ATAD2B: variants seen among roughly 807,000 people sequenced by gnomAD.
ATAD2B encodes ATPase family AAA domain containing 2B, also known as ATPase family AAA domain-containing protein 2B.
Under a neutral mutation model 167.6 loss-of-function variants are expected in ATAD2B, and 40 were observed. The observed-to-expected ratio is 0.24, with a 90% CI of 0.19 to 0.31. The LOEUF (loss-of-function observed/expected upper bound fraction) is 0.31, where lower values mean the gene tolerates loss of function less well. Among genes scored for constraint, ATAD2B ranks in the 10% least tolerant of loss-of-function variants. The pLI, the probability that ATAD2B is intolerant of heterozygous loss-of-function variation, is 1.00. For missense variants in ATAD2B, 1,242 were observed against 1,757.2 expected, an observed-to-expected ratio of 0.71 and a Z score of 5.24; for synonymous variants, 579 against 596.5, an observed-to-expected ratio of 0.97 and a Z score of 0.43.
At chr2:23,835,863 G>T (rs1025220780) in intron 13 of ATAD2B, among the ~76,000 whole-genome samples, 1 of 152,018 alleles carries the variant, frequency 6.6e-6, no homozygotes, top group Non-Finnish European at 1.5e-5. Flanking sequence ...TTGAATCCAG[G>T]AGGTGGAGGT....
chr2:23,738,857 C>T, the ATAD2B span, among the ~76,000 whole-genome samples: 37 of 152,216 alleles, frequency 2.4e-4, no homozygotes, highest in Non-Finnish European at 4.6e-4. Context: ...GGAGGAAGAT[C>T]TACCAAGCAA....
At chr2:23,707,019 T>C in the ATAD2B span, 1 of 175,662 alleles carries the variant, frequency 5.7e-6, no homozygotes, top group Non-Finnish European at 1.2e-5. Flanking sequence ...TAAACAACCA[T>C]AGATCAGTTA....
intron 12 of ATAD2B, among the ~76,000 whole-genome samples, chr2:23,860,604 G>C (rs1224086666): frequency 6.6e-6 from 1 of 152,204 alleles, no homozygotes; most frequent in Admixed American, 6.5e-5. Context: ...GTTTACTAAG[G>C]AAGAGAGATG....
intron 14 of ATAD2B, among the ~76,000 whole-genome samples, chr2:23,830,859 TA>T (rs564818379): frequency 6.0e-5 from 9 of 149,038 alleles, no homozygotes; most frequent in African/African-American, 7.4e-5. Context: ...AAAGAACATG[TA>T]AAAAAAAAAT....
At chr2:23,825,609 T>A (rs891048900) in intron 15 of ATAD2B, among the ~76,000 whole-genome samples, 1 of 152,226 alleles carries the variant, frequency 6.6e-6, no homozygotes, top group African/African-American at 2.4e-5. Context: ...AAGTATATGA[T>A]TATAGAATGT....
At chr2:23,679,759 C>G in the ATAD2B span, among the ~76,000 whole-genome samples, 1 of 152,162 alleles carries the variant, frequency 6.6e-6, no homozygotes, top group Non-Finnish European at 1.5e-5. Context: ...GTTCTGCCAG[C>G]CTCCGGAGGA....
At chr2:23,865,631 G>A (rs988796964) in intron 10 of ATAD2B, among the ~76,000 whole-genome samples, 17 of 152,028 alleles carry the variant, frequency 1.1e-4, no homozygotes, top group Admixed American at 9.8e-4. Flanking sequence ...GCAAAAATTG[G>A]TTCAAGGGTA....
intron 18 of ATAD2B, among the ~76,000 whole-genome samples, chr2:23,804,641 C>G (rs955644256): frequency 1.4e-5 from 2 of 146,272 alleles, no homozygotes; most frequent in African/African-American, 5.1e-5. Context: ...GTTGGCCAAG[C>G]AGGATTCAGA....
chr2:23,870,475 G>C (rs1448914305), intron 8 of ATAD2B, among the ~76,000 whole-genome samples: 2 of 151,206 alleles, frequency 1.3e-5, no homozygotes, highest in African/African-American at 4.9e-5. Flanking sequence ...TTGTAAAGAG[G>C]GAGTTTCACC....
chr2:23,829,130 G>A (rs1209640701), intron 14 of ATAD2B, among the ~76,000 whole-genome samples, 191 bp from the exon 15 acceptor site: 1 of 141,228 alleles, frequency 7.1e-6, no homozygotes, highest in Non-Finnish European at 1.5e-5. Flanking sequence ...ATAAATCTGG[G>A]AGATATGTAG....
At chr2:23,760,697 T>C (rs13404117) in intron 24 of ATAD2B, among the ~76,000 whole-genome samples, 4,692 of 117,926 alleles carry the variant, frequency 0.04, 175 homozygotes, top group East Asian at 0.16. Context: ...AATTTATATA[T>C]ATACACACAC....
intron 25 of ATAD2B, among the ~76,000 whole-genome samples, chr2:23,755,945 T>C (rs1228131964): frequency 1.3e-5 from 2 of 152,178 alleles, no homozygotes; most frequent in Non-Finnish European, 2.9e-5. Flanking sequence ...ATTAGGATAC[T>C]GTCCTGATAA....
chr2:23,771,038 C>T (rs1558508107), intron 22 of ATAD2B, among the ~76,000 whole-genome samples: 1 of 152,058 alleles, frequency 6.6e-6, no homozygotes, highest in East Asian at 1.9e-4. Context: ...ATGTATAAGT[C>T]TTACATGCCT....
intron 1 of ATAD2B, among the ~76,000 whole-genome samples, chr2:23,902,865 A>G (rs796511500): frequency 5.9e-5 from 9 of 152,248 alleles, no homozygotes; most frequent in African/African-American, 2.2e-4. Flanking sequence ...AGGAGTTTGA[A>G]ACCAGTCTGA....
chr2:23,795,610 G>A (rs13009582), intron 19 of ATAD2B, among the ~76,000 whole-genome samples: 67,352 of 151,994 alleles, frequency 0.44, 15,969 homozygotes, highest in East Asian at 0.78. Context: ...GCTAGGCGCA[G>A]TGGCTCACCC....
intron 2 of ATAD2B, among the ~76,000 whole-genome samples, chr2:23,892,954 T>C (rs1699743434): frequency 6.6e-6 from 1 of 152,234 alleles, no homozygotes. Context: ...TCTATATTAG[T>C]ATGTATATTT....
At chr2:23,898,452 C>T (rs1367860499) in intron 1 of ATAD2B, among the ~76,000 whole-genome samples, 3 of 152,194 alleles carry the variant, frequency 2.0e-5, no homozygotes, top group Non-Finnish European at 2.9e-5. Context: ...GTTGTAAGCC[C>T]TCCATCTTTC....
chr2:23,782,795 C>T, intron 22 of ATAD2B, 74 bp downstream of exon 22: 1 of 1,283,066 alleles, frequency 7.8e-7, no homozygotes, highest in South Asian at 1.4e-5. Flanking sequence ...AGAACACAGG[C>T]ATGACTTAGT....
intron 22 of ATAD2B, among the ~76,000 whole-genome samples, chr2:23,773,764 C>G (rs957740648): frequency 1.3e-5 from 2 of 152,144 alleles, no homozygotes; most frequent in African/African-American, 4.8e-5. Context: ...GCTTTGAAGT[C>G]AAGACAGCTC....
Sources: allele counts gnomAD v4.1 joint callset (sites outside exome capture counted in the v4.1 genomes callset), GRCh38; gene constraint gnomAD v4.1.1; transcripts MANE v1.5; gene names NCBI Gene and HGNC (gene_info 2026-07-23, HGNC 2026-07-21).